Variants in DPP8 observed in about 807,000 individuals in gnomAD.
The protein encoded by DPP8 is dipeptidyl peptidase 8.
In DPP8, 31 loss-of-function variants were observed where a neutral mutation model predicts 107.5. That is an observed-to-expected ratio of 0.29 (90% CI 0.22 to 0.39). The LOEUF (loss-of-function observed/expected upper bound fraction) is 0.39, where lower values mean the gene tolerates loss of function less well. Among genes scored for constraint, DPP8 ranks in the 10% least tolerant of loss-of-function variants. The pLI is 1.00. For synonymous variants in DPP8, 381 were observed against 356.6 expected (o/e 1.07, Z -0.77); for missense variants, 842 against 1,076.1 (o/e 0.78, Z 3.04).
At chr15:65,493,905 G>A (rs2068293352) in intron 5 of DPP8, among the ~76,000 whole-genome samples, 1 of 152,024 alleles carries the variant, frequency 6.6e-6, no homozygotes, top group South Asian at 2.1e-4. Flanking sequence ...ATAAGCTGAT[G>A]ACATTAACTC....
At position 65,497,953 on chromosome 15, in the gene DPP8, G is replaced by C. The variant is rs1458732325; in HGVS notation, c.626C>G (p.Pro209Arg). ...GCTATGTATAAAAGCAATCCAGTCT[G>C]GATCAGCAGGGCATAATTTTGGATC... ...RMDPKLCPAD[P>R]DWIAFIHSND... is the part of the protein sequence containing the mutation. Residue 209 changes from proline (P) to arginine (R), a missense_variant, in exon 5 of 20, where the codon CCA becomes CGA. By Grantham distance (103) the Pro-to-Arg change is moderately radical (BLOSUM62 -2). Around this residue, in one of 2 missense-constraint regions of DPP8, gnomAD observed 663 missense variants for 758.0 expected, o/e 0.87. Coordinates refer to ENST00000300141, the MANE Select transcript of DPP8 (RefSeq NM_130434.5). The C allele has an allele frequency of 6.2e-7, 1 of 1,611,632 alleles. No homozygotes were observed. The highest frequency in any genetic ancestry group is 8.5e-7 in the Non-Finnish European group (1 of 1,178,472).
At position 65,490,322 on chromosome 15, in the gene DPP8, A is replaced by C. The variant is rs767185758; in HGVS notation, c.716-23T>G. 4.3e-6 allele frequency: 6 copies of C among 1,400,230 alleles called. No individual in the cohort carries two copies. The South Asian group carries it at 6.9e-5, about 16-fold the overall frequency. 86.7% of individuals were successfully genotyped at this position (1,400,230 alleles called of 1,614,324 possible). On this transcript the variant is annotated intron_variant, in intron 5 of 19. Transcript: ENST00000300141. ...GCTCTAGACAAATATAAAAGGCAAA[A>C]TTATCACAGAAAGCTATCTTTTCAT...
intron 11 of DPP8, among the ~76,000 whole-genome samples, chr15:65,475,959 C>T (rs999688806): frequency 6.6e-6 from 1 of 152,056 alleles, no homozygotes; most frequent in Non-Finnish European, 1.5e-5. Context: ...TGCCATGTTG[C>T]CTAGGCTAGT....
intron 12 of DPP8, among the ~76,000 whole-genome samples, chr15:65,471,824 G>T (rs1338041346): frequency 2.6e-5 from 4 of 152,074 alleles, no homozygotes. Flanking sequence ...AACAAACCTG[G>T]GATCTGGATC....
At chr15:65,471,615 G>A (rs1238245659) in intron 12 of DPP8, among the ~76,000 whole-genome samples, 1 of 150,512 alleles carries the variant, frequency 6.6e-6, no homozygotes. Flanking sequence ...GCCTCCCAAA[G>A]TGCTGCAATT....
Position 65,443,006 on chromosome 15 carries a change from C to T in DPP8, c.*3878G>A, listed in dbSNP as rs1345112433. The T allele has an allele frequency of 6.6e-6, 1 of 152,114 alleles. No homozygotes were observed. Among genetic ancestry groups the T allele is most frequent in the Non-Finnish European group, 1.5e-5 (1 of 68,018 alleles). The allele number at this position is 152,114 out of a possible 1,614,324, so 9.4% of individuals were successfully genotyped here. On this transcript the variant is annotated 3_prime_UTR_variant, in exon 20 of 20. Coordinates refer to ENST00000300141, the MANE Select transcript of DPP8 (RefSeq NM_130434.5). ...TACTCTATATTCCAATCCTCAAATC[C>T]TCCACTATACCAAGGAAGACACATT...
chr15:65,450,936 G>C (rs1489236164), intron 19 of DPP8, 63 bp downstream of exon 19: 8 of 1,046,920 alleles, frequency 7.6e-6, no homozygotes, highest in African/African-American at 6.4e-5. Flanking sequence ...ACAGCTAATA[G>C]ATTTCAAAGT....
At chr15:65,447,722 AAT>A (rs1435566407) in intron 19 of DPP8, among the ~76,000 whole-genome samples, 2 of 152,136 alleles carry the variant, frequency 1.3e-5, no homozygotes, top group East Asian at 3.8e-4. Context: ...GTATCCAGTA[AAT>A]ATTTTCTCAA....
At chr15:65,460,707 A>T (rs2064844300) in intron 15 of DPP8, among the ~76,000 whole-genome samples, 9 of 152,206 alleles carry the variant, frequency 5.9e-5, no homozygotes, top group Admixed American at 5.9e-4. Context: ...GTATGTATAG[A>T]CCACATTTTG....
At chr15:65,449,580 T>C (rs2063816996) in intron 19 of DPP8, among the ~76,000 whole-genome samples, 2 of 152,024 alleles carry the variant, frequency 1.3e-5, no homozygotes. Flanking sequence ...TAGCTAATTT[T>C]TGTATTTTTC....
chr15:65,512,733 T>C, intron 1 of DPP8, 169 bp from the exon 2 acceptor site: 1 of 644,296 alleles, frequency 1.6e-6, no homozygotes, highest in Non-Finnish European at 2.6e-6. Context: ...CTCCCTTCTC[T>C]GTGTTCAGTT....
intron 12 of DPP8, among the ~76,000 whole-genome samples, chr15:65,472,991 T>A (rs1285512717): frequency 6.6e-6 from 1 of 151,786 alleles, no homozygotes; most frequent in Non-Finnish European, 1.5e-5. Flanking sequence ...TGAGCCAAGA[T>A]TGTGCCACTG....
At chr15:65,448,313 C>T (rs1595828302) in intron 19 of DPP8, among the ~76,000 whole-genome samples, 2 of 151,916 alleles carry the variant, frequency 1.3e-5, no homozygotes, top group South Asian at 4.1e-4. Context: ...GTGGGAGGAT[C>T]GCTTGAGTTC....
intron 5 of DPP8, among the ~76,000 whole-genome samples, chr15:65,490,976 G>A (rs1468041203): frequency 6.6e-6 from 1 of 151,924 alleles, no homozygotes; most frequent in Non-Finnish European, 1.5e-5. Context: ...TGGCCAATAT[G>A]GTGAAACTCT....
intron 12 of DPP8, among the ~76,000 whole-genome samples, chr15:65,469,194 C>G (rs961191584): frequency 6.6e-6 from 1 of 151,508 alleles, no homozygotes; most frequent in African/African-American, 2.4e-5. Context: ...AGGCTGGTCT[C>G]GAACTCCTGA....
chr15:65,510,419 A>T (rs960314979), intron 2 of DPP8, among the ~76,000 whole-genome samples: 4 of 152,128 alleles, frequency 2.6e-5, no homozygotes, highest in African/African-American at 9.6e-5. Context: ...CATTAAGAAA[A>T]AGAAACCCTC....
rs760257323 is a variant in DPP8 at position 65,497,981 on chromosome 15, T to C, written c.598A>G (p.Met200Val). 2.8e-5 allele frequency: 45 copies of C among 1,610,948 alleles called. No homozygotes were observed. The highest frequency in any genetic ancestry group is 3.6e-5 in the Non-Finnish European group (43 of 1,178,122). ...LVETSCPNIR[M>V]DPKLCPADPD... ...TCAGCAGGGCATAATTTTGGATCCA[T>C]CCGTATGTTGGGACAACTAGTTTCC... Residue 200 changes from methionine (M) to valine (V), a missense_variant, in exon 5 of 20, where the codon ATG becomes GTG. Physicochemically the swap from Met to Val is conservative, Grantham distance 21. Around this residue, in one of 2 missense-constraint regions of DPP8, gnomAD observed 663 missense variants for 758.0 expected, o/e 0.87. Coordinates refer to ENST00000300141, the MANE Select transcript of DPP8 (RefSeq NM_130434.5).
Position 65,478,835 on chromosome 15 carries a change from G to C in DPP8, c.1456+45C>G, listed in dbSNP as rs1183189068. ...CATTCCCCTGTCCCTCCCACCTTCT[G>C]CTTCCAACATTTTTTCTTTTTTTAA... is the stretch of plus-strand genomic sequence containing the variant. On this transcript the variant is annotated intron_variant, in intron 11 of 19. Coordinates refer to ENST00000300141, the MANE Select transcript of DPP8 (RefSeq NM_130434.5). 3.5e-6 allele frequency: 5 copies of C among 1,418,826 alleles called. No homozygotes were observed. In the African/African-American group the frequency reaches 7.3e-5, roughly 21 times the overall value. 87.9% of individuals were successfully genotyped at this position (1,418,826 alleles called of 1,614,324 possible).
intron 3 of DPP8, among the ~76,000 whole-genome samples, chr15:65,501,981 C>A (rs1379007291): frequency 5.3e-5 from 8 of 152,186 alleles, no homozygotes; most frequent in Non-Finnish European, 1.2e-4. Flanking sequence ...CCTCTGCCTC[C>A]TGGATTCAGG....
Sources: allele counts gnomAD v4.1 joint callset (sites outside exome capture counted in the v4.1 genomes callset), GRCh38; gene constraint gnomAD v4.1.1; regional missense constraint gnomAD v4.1.1; transcripts MANE v1.5; gene names NCBI Gene and HGNC (gene_info 2026-07-23, HGNC 2026-07-21).